BTBD1: variants seen among roughly 807,000 people sequenced by gnomAD.
The protein encoded by BTBD1 is BTB domain containing 1.
Under a neutral mutation model 48.0 loss-of-function variants are expected in BTBD1, and 34 were observed. The ratio of observed to expected loss-of-function variants is 0.71; its 90% confidence interval spans 0.54 to 0.94. The LOEUF is 0.94. Ranked by LOEUF, BTBD1 falls within the 40% of genes least tolerant of loss-of-function variation. BTBD1 has a pLI of 0.00. For missense variants in BTBD1, 543 were observed against 625.6 expected, an observed-to-expected ratio of 0.87 and a Z score of 1.41; for synonymous variants, 261 against 242.1, an observed-to-expected ratio of 1.08 and a Z score of -0.72.
chr15:83,033,151 G>C (rs960497891), intron 4 of BTBD1, among the ~76,000 whole-genome samples: 3 of 151,638 alleles, frequency 2.0e-5, no homozygotes, highest in African/African-American at 4.8e-5. Context: ...TTTGAGGCCA[G>C]AATTTTGAAG....
chr15:83,061,778 G>C (rs112784218), intron 1 of BTBD1: 3 of 152,158 alleles, frequency 2.0e-5, no homozygotes, highest in African/African-American at 4.8e-5. Flanking sequence ...CTACATAGAC[G>C]ACAAACCACC....
intron 6 of BTBD1, 192 bp downstream of exon 6, chr15:83,020,482 AG>A (rs2032272946): frequency 4.2e-6 from 2 of 478,116 alleles, no homozygotes; most frequent in Non-Finnish European, 7.3e-6. Context: ...GCTTTTGTGA[AG>A]GACCCCAATT....
rs2151297385 is a variant in BTBD1 at position 83,016,517 on chromosome 15, C to A, written c.*1550G>T. ...GTTCTGTTTCTTGTCCCTTTTATGGCTGCATGCAGTTTCAATTGTTCAGTA... is the reference window on the plus strand; with the variant it reads ...GTTCTGTTTCTTGTCCCTTTTATGGATGCATGCAGTTTCAATTGTTCAGTA... On this transcript the variant is annotated 3_prime_UTR_variant, in exon 8 of 8. Transcript: ENST00000261721. 6.6e-6 allele frequency: 1 copy of A among 151,996 alleles called. No individual in the cohort carries two copies. The highest frequency in any genetic ancestry group is 2.1e-4 in the South Asian group (1 of 4,816). 9.4% of individuals were successfully genotyped at this position (151,996 alleles called of 1,614,324 possible).
At chr15:83,019,234 G>A (rs1324249936) in intron 6 of BTBD1, among the ~76,000 whole-genome samples, 8 of 151,958 alleles carry the variant, frequency 5.3e-5, no homozygotes, top group Admixed American at 5.2e-4. Context: ...TAATTTTTTT[G>A]TATTTTTAGT....
chr15:83,062,487 T>C (rs2033191866), intron 1 of BTBD1, among the ~76,000 whole-genome samples: 1 of 152,240 alleles, frequency 6.6e-6, no homozygotes, highest in Non-Finnish European at 1.5e-5. Flanking sequence ...GCTTTATTTA[T>C]AGCATTAATA....
At chr15:83,028,195 G>A (rs530241147) in intron 5 of BTBD1, among the ~76,000 whole-genome samples, 44 of 152,148 alleles carry the variant, frequency 2.9e-4, no homozygotes, top group African/African-American at 1.0e-3. Flanking sequence ...TCTATCTTGA[G>A]GTTTCAATAG....
At chr15:83,060,999 A>G (rs1285515757) in intron 1 of BTBD1, among the ~76,000 whole-genome samples, 1 of 152,242 alleles carries the variant, frequency 6.6e-6, no homozygotes, top group African/African-American at 2.4e-5. Context: ...AGCTTTGCCC[A>G]TAAAAACCTT....
chr15:83,049,352 T>C (rs1370334194), intron 3 of BTBD1, among the ~76,000 whole-genome samples: 1 of 152,210 alleles, frequency 6.6e-6, no homozygotes, highest in Non-Finnish European at 1.5e-5. Context: ...CTACAGATCG[T>C]GGCCCCCGCC....
chr15:83,061,493 C>T (rs1462881571), intron 1 of BTBD1: 1 of 152,182 alleles, frequency 6.6e-6, no homozygotes, highest in Non-Finnish European at 1.5e-5. Flanking sequence ...ATAGATCTGT[C>T]CCATGATGAA....
At position 83,018,096 on chromosome 15, in the gene BTBD1, G is replaced by T; in HGVS notation, c.1420C>A (p.Gln474Lys). Residue 474 changes from glutamine (Q) to lysine (K), a missense_variant, in exon 8 of 8, where the codon CAA (glutamine) becomes AAA (lysine). Physicochemically the swap from Gln to Lys is moderately conservative, Grantham distance 53. This residue lies in a region of BTBD1 where 300 missense variants were observed against 350.0 expected (regional missense o/e 0.86). Transcript: ENST00000261721. ...NNNGTSIEDG[Q>K]IPEIIFYT ...GTATAAAATATGATTTCTGGAATTT[G>T]TCCATCTTCTATTGAAGTGCCATTA... The T allele has an allele frequency of 1.2e-6, 2 of 1,606,482 alleles. No individual in the cohort carries two copies. The highest frequency in any genetic ancestry group is 3.3e-4 in the Middle Eastern group (2 of 6,038).
intron 6 of BTBD1, among the ~76,000 whole-genome samples, chr15:83,019,263 T>C (rs1596418936): frequency 6.6e-6 from 1 of 152,082 alleles, no homozygotes; most frequent in South Asian, 2.1e-4. Flanking sequence ...GGTTTCATCA[T>C]GTTGGCCAGG....
In BTBD1 at chr15:83,067,206, GGCCGCCTCCGGAGGCCGGC is replaced by G. The variant is rs1467283749; in HGVS notation, c.-74_-56del. 18 of 1,338,784 alleles carry G rather than the reference GGCCGCCTCCGGAGGCCGGC, an allele frequency of 1.3e-5. No homozygotes were observed. The highest frequency in any genetic ancestry group is 2.8e-4 in the Middle Eastern group (1 of 3,538). 82.9% of individuals were successfully genotyped at this position (1,338,784 alleles called of 1,614,324 possible). A position where few individuals can be genotyped will look rare whatever the true frequency, so the allele number is the denominator to read the frequency against. On this transcript the variant is annotated 5_prime_UTR_variant, in exon 1 of 8. Coordinates refer to ENST00000261721, the MANE Select transcript of BTBD1 (RefSeq NM_025238.4). ...GACAAAACTCCGCCGCCATCGCCCA[GGCCGCCTCCGGAGGCCGGC>G]GCTGCCTCCCTGCCTTCCGGGAAAG...
chr15:83,061,140 C>G (rs892840940), intron 1 of BTBD1, among the ~76,000 whole-genome samples: 2 of 152,200 alleles, frequency 1.3e-5, no homozygotes, highest in African/African-American at 4.8e-5. Flanking sequence ...TACTACGCAC[C>G]TAAGCTATGT....
intron 1 of BTBD1, among the ~76,000 whole-genome samples, chr15:83,060,967 G>C (rs1307530336): frequency 6.6e-6 from 1 of 152,202 alleles, no homozygotes; most frequent in South Asian, 2.1e-4. Context: ...AATAGTGCTA[G>C]AGATAAAAAT....
intron 5 of BTBD1, among the ~76,000 whole-genome samples, chr15:83,023,695 G>A (rs1341803386): frequency 6.6e-6 from 1 of 152,050 alleles, no homozygotes; most frequent in Non-Finnish European, 1.5e-5. Context: ...CAGTCAAAAG[G>A]CACAGTCTTA....
chr15:83,019,258 C>T (rs2032237319), intron 6 of BTBD1, among the ~76,000 whole-genome samples: 1 of 152,042 alleles, frequency 6.6e-6, no homozygotes, highest in African/African-American at 2.4e-5. Flanking sequence ...GACAGGGTTT[C>T]ATCATGTTGG....
At position 83,067,191 on chromosome 15, in the gene BTBD1, C is replaced by T. The variant is rs751763056; in HGVS notation, c.-40G>A. The T allele has an allele frequency of 1.7e-5, 23 of 1,359,136 alleles. No homozygotes were observed. The highest frequency in any genetic ancestry group is 4.5e-5 in the African/African-American group (3 of 66,130). 84.2% of individuals were successfully genotyped at this position (1,359,136 alleles called of 1,614,324 possible). ...GTTGCCCACGTTATGGACAAAACTC[C>T]GCCGCCATCGCCCAGGCCGCCTCCG... On this transcript the variant is annotated 5_prime_UTR_variant, in exon 1 of 8. Coordinates refer to ENST00000261721, the MANE Select transcript of BTBD1 (RefSeq NM_025238.4).
rs565792173 is a variant in BTBD1 at position 83,062,601 on chromosome 15, C to A, written c.401+4150G>T. On this transcript the variant is annotated intron_variant, in intron 1 of 7. Coordinates refer to ENST00000261721, the MANE Select transcript of BTBD1 (RefSeq NM_025238.4). ...GGGCTTAGGAACAATCTATGGCACA[C>A]AGTAAAAGTACTCATTAAATGTCAG... is the stretch of plus-strand genomic sequence containing the variant. Among the ~76,000 whole-genome samples, 3 of 152,276 alleles carry A rather than the reference C, an allele frequency of 2.0e-5. No individual in the cohort carries two copies. The East Asian group carries it at 5.8e-4, about 29-fold the overall frequency.
chr15:83,061,117 C>T (rs2033168993), intron 1 of BTBD1, among the ~76,000 whole-genome samples: 1 of 152,182 alleles, frequency 6.6e-6, no homozygotes, highest in Non-Finnish European at 1.5e-5. Flanking sequence ...ACATAAATCT[C>T]AATGGTATAG....
Sources: allele counts gnomAD v4.1 joint callset (sites outside exome capture counted in the v4.1 genomes callset), GRCh38; gene constraint gnomAD v4.1.1; regional missense constraint gnomAD v4.1.1; transcripts MANE v1.5; gene names NCBI Gene and HGNC (gene_info 2026-07-23, HGNC 2026-07-21).